NME9: variants seen among roughly 807,000 people sequenced by gnomAD.
NME9 encodes the protein NME/NM23 family member 9.
Under a neutral mutation model 44.4 loss-of-function variants are expected in NME9, and 48 were observed. The ratio of observed to expected loss-of-function variants is 1.08; its 90% confidence interval spans 0.86 to 1.37. The LOEUF (loss-of-function observed/expected upper bound fraction) is 1.37, where lower values mean the gene tolerates loss of function less well. Ranked by LOEUF, NME9 falls within the 40% of genes most tolerant of loss-of-function variation. The pLI, the probability that NME9 is intolerant of heterozygous loss-of-function variation, is 0.00. For synonymous variants in NME9, 139 were observed against 147.1 expected, an observed-to-expected ratio of 0.94 and a Z score of 0.40; for missense variants, 325 against 405.2, an observed-to-expected ratio of 0.80 and a Z score of 1.70.
At chr3:138,263,558 G>A in intron 8 of NME9, 1 of 631,510 alleles carries the variant, frequency 1.6e-6, no homozygotes, top group Non-Finnish European at 2.9e-6. Context: ...GTCCTTAGTG[G>A]GCTAGACCTA....
chr3:138,286,953 A>G (rs1229232415), intron 8 of NME9, among the ~76,000 whole-genome samples: 1 of 152,110 alleles, frequency 6.6e-6, no homozygotes, highest in Non-Finnish European at 1.5e-5. Context: ...CATTCACTCA[A>G]TTTATCAACA....
chr3:138,305,854 T>A (rs770104351), intron 8 of NME9, 150 bp downstream of exon 8: 2 of 656,444 alleles, frequency 3.0e-6, no homozygotes, highest in Non-Finnish European at 5.5e-6. Context: ...CAGCCTATTG[T>A]CATTCTGAGA....
chr3:138,323,925 T>TGATTACAC (rs1405534526), intron 2 of NME9, among the ~76,000 whole-genome samples: 1 of 152,200 alleles, frequency 6.6e-6, no homozygotes, highest in African/African-American at 2.4e-5. Flanking sequence ...TGTACTTGTG[T>TGATTACAC]AATCCCCTGC....
At chr3:138,269,584 C>T (rs563807319) in intron 8 of NME9, among the ~76,000 whole-genome samples, 1 of 152,086 alleles carries the variant, frequency 6.6e-6, no homozygotes, top group Non-Finnish European at 1.5e-5. Flanking sequence ...TTTCTAAGTT[C>T]CTTTATATTT....
At chr3:138,287,854 C>G (rs2050575737) in intron 8 of NME9, 1 of 293,278 alleles carries the variant, frequency 3.4e-6, no homozygotes, top group African/African-American at 2.2e-5. Flanking sequence ...TTTGAACATA[C>G]TAGAAATTTT....
At chr3:138,287,080 A>G (rs188747041) in intron 8 of NME9, among the ~76,000 whole-genome samples, 19 of 152,276 alleles carry the variant, frequency 1.2e-4, no homozygotes, top group Admixed American at 1.0e-3. Flanking sequence ...TAACTATATA[A>G]CAGTATCTTC....
In NME9 at chr3:138,306,088, T is replaced by C; in HGVS notation, c.552A>G (p.Glu184=). Residue 184 remains glutamate (E), a synonymous_variant, in exon 8 of 11, where the codon GAA becomes GAG. Coordinates refer to ENST00000333911, the MANE Select transcript of NME9 (RefSeq NM_001349018.2). ...CATTTGTTAGAATTTCAAACCCAGC[T>C]TCCTGAATCTGTAGAATATATATAA... ...KTDEIIMKIQ[E]AGFEILTNEE... 6.2e-7 allele frequency: 1 copy of C among 1,606,052 alleles called. No homozygotes were observed. The highest frequency in any genetic ancestry group is 8.5e-7 in the Non-Finnish European group (1 of 1,172,624).
intron 8 of NME9, among the ~76,000 whole-genome samples, chr3:138,266,542 A>G (rs114354482): frequency 0.016 from 2,442 of 152,242 alleles, 32 homozygotes; most frequent in Middle Eastern, 0.024. Context: ...ATTATTCACT[A>G]TATCACATTT....
intron 6 of NME9, among the ~76,000 whole-genome samples, chr3:138,310,216 C>CA (rs2052598440): frequency 6.6e-6 from 1 of 151,668 alleles, no homozygotes; most frequent in Admixed American, 6.6e-5. Context: ...TCAAGAGTAA[C>CA]AATTATAAAT....
At chr3:138,318,037 G>A in intron 4 of NME9, 111 bp downstream of exon 4, 1 of 746,290 alleles carries the variant, frequency 1.3e-6, no homozygotes, top group Middle Eastern at 2.4e-4. Flanking sequence ...GAGGCCTCTT[G>A]GTGGTTCCCA....
intron 8 of NME9, chr3:138,262,610 AAAAT>A (rs1329953036): frequency 3.2e-6 from 5 of 1,581,636 alleles, no homozygotes; most frequent in South Asian, 2.4e-5. Context: ...AAAAAAAAAA[AAAAT>A]TTAGGTGCCT....
chr3:138,305,994 A>T lies in NME9; in HGVS notation c.636+10T>A, dbSNP rs757500254. 8.3e-5 allele frequency: 129 copies of T among 1,562,854 alleles called. No individual in the cohort carries two copies. Among genetic ancestry groups the T allele is most frequent in the Non-Finnish European group, 1.1e-4 (126 of 1,133,434 alleles). On this transcript the variant is annotated intron_variant, in intron 8 of 10. Transcript: ENST00000333911. ...CAGTGTGTTGAACTTGTGGAAGTAG[A>T]TGAGCTGACCTCTCCAGCTTTGTGT... is the stretch of plus-strand genomic sequence containing the variant.
At chr3:138,264,158 G>A in intron 8 of NME9, 1 of 1,613,922 alleles carries the variant, frequency 6.2e-7, no homozygotes, top group South Asian at 1.1e-5. Context: ...CCAGATCTGT[G>A]CAGCAGCTTC....
intron 8 of NME9, among the ~76,000 whole-genome samples, chr3:138,264,642 ACTC>A (rs1384625003): frequency 1.0e-4 from 15 of 147,982 alleles, no homozygotes; most frequent in Non-Finnish European, 3.0e-5. Flanking sequence ...CTGGTCTTGA[ACTC>A]CTGACCACGT....
chr3:138,303,080 AG>A (rs2051959462), intron 10 of NME9, among the ~76,000 whole-genome samples: 1 of 152,224 alleles, frequency 6.6e-6, no homozygotes, highest in South Asian at 2.1e-4. Flanking sequence ...AGCAGGCTCC[AG>A]GTTGAGGGCC....
In NME9 at chr3:138,303,326, A is replaced by T. The variant is rs112970087; in HGVS notation, c.928+181T>A. 6.3e-4 allele frequency: 295 copies of T among 467,006 alleles called. 2 individuals carry two copies. Among genetic ancestry groups the T allele is most frequent in the African/African-American group, 4.8e-3 (255 of 52,828 alleles). 28.9% of individuals were successfully genotyped at this position (467,006 alleles called of 1,614,324 possible). A position where few individuals can be genotyped will look rare whatever the true frequency, so the allele number is the denominator to read the frequency against. Reference sequence around the variant, plus strand: ...AAAGCAACACTGTTGCTCTATGAGAACACAAAACAGTTTAGTATTGATAAT... The same window carrying T: ...AAAGCAACACTGTTGCTCTATGAGATCACAAAACAGTTTAGTATTGATAAT... On this transcript the variant is annotated intron_variant, in intron 10 of 10. Transcript: ENST00000333911.
At chr3:138,274,367 A>G (rs746670093) in intron 8 of NME9, 1 of 867,730 alleles carries the variant, frequency 1.2e-6, no homozygotes, top group Non-Finnish European at 1.9e-6. Context: ...TGTGAATCAT[A>G]TTGTTTTAAC....
At chr3:138,312,972 A>G (rs1436197732) in intron 6 of NME9, among the ~76,000 whole-genome samples, 1 of 152,258 alleles carries the variant, frequency 6.6e-6, no homozygotes. Flanking sequence ...TCTCCAAAAA[A>G]AGACATAAAA....
At chr3:138,317,802 C>T (rs1001729527) in intron 4 of NME9, among the ~76,000 whole-genome samples, 1 of 152,190 alleles carries the variant, frequency 6.6e-6, no homozygotes, top group African/African-American at 2.4e-5. Flanking sequence ...ATTTGAGTGA[C>T]TGGTACTCTC....
Sources: gnomAD v4.1 joint callset for allele counts (sites outside exome capture counted in the v4.1 genomes callset) on GRCh38, gnomAD v4.1.1 for gene constraint, MANE v1.5 for transcripts, NCBI Gene and HGNC (gene_info 2026-07-23, HGNC 2026-07-21) for gene names.